Variants in CDH18 observed in about 807,000 individuals in gnomAD.
CDH18 encodes the protein cadherin-18.
In CDH18, 31 loss-of-function variants were observed where a neutral mutation model predicts 67.9. The observed-to-expected ratio is 0.46, with a 90% CI of 0.34 to 0.62. CDH18 has a LOEUF of 0.62. Among genes scored for constraint, CDH18 ranks in the 20% least tolerant of loss-of-function variants. CDH18 has a pLI of 0.01. For synonymous variants in CDH18, 362 were observed against 347.2 expected (o/e 1.04, Z -0.48); for missense variants, 890 against 975.5 (o/e 0.91, Z 1.17).
In CDH18 at chr5:20,065,817, A is replaced by G. The variant is rs377125298; in HGVS notation, c.-517-73803T>C. Among the ~76,000 whole-genome samples, 10 of 152,148 alleles carry G rather than the reference A, an allele frequency of 6.6e-5. No individual in the cohort carries two copies. In the East Asian group the frequency reaches 1.4e-3, roughly 21 times the overall value. On this transcript the variant is annotated intron_variant, in intron 2 of 14. Coordinates refer to the CDH18 transcript ENST00000507958. ...CACTGTCATAAAGTCAAAAAATCCT[A>G]AATCCAACCATCATAGGTTGGGGAC...
At chr5:19,498,834 C>T (rs1742768032) in intron 11 of CDH18, among the ~76,000 whole-genome samples, 1 of 152,168 alleles carries the variant, frequency 6.6e-6, no homozygotes, top group Admixed American at 6.6e-5. Context: ...TTTAGCCATT[C>T]CCTCTTTTCT....
At chr5:19,973,186 TATTTTTCAATGGAAAA>T (rs1798190127) in intron 2 of CDH18, among the ~76,000 whole-genome samples, 1 of 152,114 alleles carries the variant, frequency 6.6e-6, no homozygotes, top group African/African-American at 2.4e-5. Flanking sequence ...ACTGTGGAAA[TATTTTTCAATGGAAAA>T]ATACTGTATA....
intron 1 of CDH18, among the ~76,000 whole-genome samples, chr5:20,528,980 A>G (rs995946634): frequency 6.6e-6 from 1 of 152,008 alleles, no homozygotes; most frequent in Non-Finnish European, 1.5e-5. Context: ...AAAATCAGTA[A>G]AATAGACAGA....
intron 2 of CDH18, among the ~76,000 whole-genome samples, chr5:20,108,356 T>G (rs557694050): frequency 4.1e-4 from 63 of 152,194 alleles, no homozygotes; most frequent in Non-Finnish European, 7.5e-4. Flanking sequence ...CTTTCCAAAG[T>G]GCTAAGATTA....
intron 5 of CDH18, among the ~76,000 whole-genome samples, chr5:19,654,514 A>T (rs1756049787): frequency 6.6e-6 from 1 of 152,170 alleles, no homozygotes; most frequent in Non-Finnish European, 1.5e-5. Context: ...GAGAGGGAGC[A>T]CGCAGACAGG....
chr5:20,516,090 C>T (rs1022361117), intron 1 of CDH18, among the ~76,000 whole-genome samples: 1 of 151,900 alleles, frequency 6.6e-6, no homozygotes, highest in South Asian at 2.1e-4. Flanking sequence ...ATTAAAATGG[C>T]ACCATAAAGT....
intron 2 of CDH18, among the ~76,000 whole-genome samples, chr5:20,030,309 T>C (rs1352675616): frequency 1.3e-5 from 2 of 152,164 alleles, no homozygotes; most frequent in Non-Finnish European, 2.9e-5. Flanking sequence ...CAAATTGCCA[T>C]ATATAGTGTT....
intron 1 of CDH18, among the ~76,000 whole-genome samples, chr5:20,536,571 T>A (rs1756736888): frequency 6.6e-6 from 1 of 152,132 alleles, no homozygotes; most frequent in South Asian, 2.1e-4. Context: ...CTACTTCTTA[T>A]GAACAGGAAG....
At chr5:19,779,236 T>C (rs1774800854) in intron 3 of CDH18, among the ~76,000 whole-genome samples, 1 of 152,170 alleles carries the variant, frequency 6.6e-6, no homozygotes, top group South Asian at 2.1e-4. Context: ...TGTGTACATC[T>C]ATAATATTAA....
chr5:20,382,341 A>G (rs554026666), intron 1 of CDH18, among the ~76,000 whole-genome samples: 8 of 152,300 alleles, frequency 5.3e-5, no homozygotes, highest in African/African-American at 1.9e-4. Context: ...ACATACCTAT[A>G]TAGGGGAGAC....
At chr5:19,558,866 T>C (rs1738929481) in intron 8 of CDH18, among the ~76,000 whole-genome samples, 1 of 151,792 alleles carries the variant, frequency 6.6e-6, no homozygotes, top group African/African-American at 2.4e-5. Context: ...TACAGACCAA[T>C]ACACAGACCC....
At chr5:20,321,445 G>T (rs893873928) in intron 1 of CDH18, among the ~76,000 whole-genome samples, 8 of 152,054 alleles carry the variant, frequency 5.3e-5, no homozygotes, top group African/African-American at 1.2e-4. Flanking sequence ...CTTCTAGCTT[G>T]GGACGAATGG....
chr5:20,123,006 A>G (rs1748492569), intron 2 of CDH18, among the ~76,000 whole-genome samples: 1 of 148,274 alleles, frequency 6.7e-6, no homozygotes, highest in South Asian at 2.1e-4. Context: ...ATTTAAAAAT[A>G]CCTATATAAG....
chr5:20,472,405 A>G (rs960080983), intron 1 of CDH18, among the ~76,000 whole-genome samples: 1 of 152,194 alleles, frequency 6.6e-6, no homozygotes. Context: ...ACTTTGGGAC[A>G]ATGTAGATCC....
At chr5:20,328,694 C>A (rs140436444) in intron 1 of CDH18, among the ~76,000 whole-genome samples, 54 of 152,294 alleles carry the variant, frequency 3.5e-4, no homozygotes, top group Middle Eastern at 3.4e-3. Flanking sequence ...GCCTCAATCA[C>A]TTTTTGATTC....
At chr5:20,343,904 G>A (rs555088692) in intron 1 of CDH18, among the ~76,000 whole-genome samples, 26 of 152,122 alleles carry the variant, frequency 1.7e-4, no homozygotes, top group Non-Finnish European at 3.7e-4. Context: ...ACCAAAAGAG[G>A]ATGGGTAAAA....
intron 6 of CDH18, among the ~76,000 whole-genome samples, chr5:19,596,819 A>C (rs577153349): frequency 2.0e-5 from 3 of 152,338 alleles, no homozygotes; most frequent in South Asian, 4.1e-4. Flanking sequence ...CATTAAACAA[A>C]GGAGTGCATT....
At chr5:19,743,921 CAAAAAAAAAAAAAAAAA>C (rs140476096) in intron 4 of CDH18, among the ~76,000 whole-genome samples, 2 of 65,900 alleles carry the variant, frequency 3.0e-5, no homozygotes, top group African/African-American at 6.5e-5. Context: ...ACTCTTGTCT[CAAAAAAAAAAAAAAAAA>C]AAAAAAAAAA....
intron 5 of CDH18, among the ~76,000 whole-genome samples, chr5:19,665,085 C>T (rs963861717): frequency 2.6e-5 from 4 of 151,400 alleles, no homozygotes; most frequent in African/African-American, 4.9e-5. Flanking sequence ...TTTTAAAAAC[C>T]GCAGAGGAAT....
Sources: allele counts gnomAD v4.1 joint callset (sites outside exome capture counted in the v4.1 genomes callset), GRCh38; gene constraint gnomAD v4.1.1; transcripts MANE v1.5; gene names NCBI Gene and HGNC (gene_info 2026-07-23, HGNC 2026-07-21).